Variants in MINDY4 observed in about 807,000 individuals in gnomAD.
MINDY4 encodes MINDY lysine 48 deubiquitinase 4.
Under a neutral mutation model 87.0 loss-of-function variants are expected in MINDY4, and 68 were observed. That is an observed-to-expected ratio of 0.78 (90% CI 0.64 to 0.96). The LOEUF (loss-of-function observed/expected upper bound fraction) is 0.96. Ranked by LOEUF, MINDY4 falls within the 40% of genes least tolerant of loss-of-function variation. The pLI is 0.00. For synonymous variants in MINDY4, 379 were observed against 363.2 expected (o/e 1.04, Z -0.50); for missense variants, 919 against 928.2 (o/e 0.99, Z 0.13).
rs192396609 is a variant in MINDY4, at chr7:30,875,685, T to C, written c.1971+29T>C. Reference sequence around the variant, plus strand: ...CCCAGATGCTCACGTTCACCACAAGTAGGGGAGCCTGACTCTCTGGAGCAA... The same window carrying C: ...CCCAGATGCTCACGTTCACCACAAGCAGGGGAGCCTGACTCTCTGGAGCAA... On this transcript the variant is annotated intron_variant, in intron 15 of 17. Transcript: ENST00000265299. 2.9e-3 allele frequency: 4,586 copies of C among 1,579,198 alleles called. 211 individuals are homozygous for C. The Admixed American group carries it at 0.073, about 25-fold the overall frequency.
intron 4 of MINDY4, among the ~76,000 whole-genome samples, chr7:30,789,066 T>C (rs1205491080): frequency 6.6e-6 from 1 of 152,156 alleles, no homozygotes; most frequent in Non-Finnish European, 1.5e-5. Context: ...GTCAACACAG[T>C]GGAAAAAGGC....
At chr7:30,856,938 A>G (rs924073663) in intron 12 of MINDY4, among the ~76,000 whole-genome samples, 6 of 152,202 alleles carry the variant, frequency 3.9e-5, no homozygotes, top group Non-Finnish European at 4.4e-5. Context: ...AATGTGCACC[A>G]TAAGCCAAGG....
chr7:30,848,893 T>C (rs570600352), intron 9 of MINDY4, among the ~76,000 whole-genome samples: 1 of 152,336 alleles, frequency 6.6e-6, no homozygotes, highest in South Asian at 2.1e-4. Flanking sequence ...AAGTGGGGAC[T>C]TAATGGTTTC....
intron 13 of MINDY4, 39 bp downstream of exon 13, chr7:30,859,363 G>T (rs753270802): frequency 1.3e-6 from 2 of 1,593,832 alleles, no homozygotes; most frequent in Non-Finnish European, 1.7e-6. Context: ...GGGCTGGGCT[G>T]GTCTGTCTTG....
chr7:30,806,410 T>C (rs1205250250), intron 5 of MINDY4, among the ~76,000 whole-genome samples: 1 of 152,212 alleles, frequency 6.6e-6, no homozygotes, highest in Non-Finnish European at 1.5e-5. Flanking sequence ...TATCAAATAT[T>C]TGGCCCACAA....
At chr7:30,886,730 C>G (rs1052091313) in intron 17 of MINDY4, among the ~76,000 whole-genome samples, 8 of 152,232 alleles carry the variant, frequency 5.3e-5, no homozygotes, top group African/African-American at 1.9e-4. Flanking sequence ...CATCCTAATT[C>G]AAACCATCCC....
At chr7:30,785,279 CACACACA>C (rs1787126984) in intron 3 of MINDY4, among the ~76,000 whole-genome samples, 1 of 116,884 alleles carries the variant, frequency 8.6e-6, no homozygotes, top group Non-Finnish European at 2.0e-5. Flanking sequence ...GACACACACA[CACACACA>C]CACACACACA....
At chr7:30,826,752 T>C (rs1002613421) in intron 5 of MINDY4, among the ~76,000 whole-genome samples, 2 of 152,354 alleles carry the variant, frequency 1.3e-5, no homozygotes. Flanking sequence ...CTAGGAAAAT[T>C]ACTAAACATC....
intron 3 of MINDY4, 39 bp downstream of exon 3, chr7:30,782,251 G>C (rs762729165): frequency 6.6e-6 from 10 of 1,510,642 alleles, no homozygotes. Context: ...GTTTCCTATT[G>C]CTGCCATAAC....
At chr7:30,801,947 C>T (rs1273194943) in intron 5 of MINDY4, among the ~76,000 whole-genome samples, 1 of 152,142 alleles carries the variant, frequency 6.6e-6, no homozygotes, top group Non-Finnish European at 1.5e-5. Flanking sequence ...ACACCTGGGC[C>T]CTTGCCAGCT....
intron 5 of MINDY4, among the ~76,000 whole-genome samples, chr7:30,819,923 A>T (rs1415910392): frequency 2.3e-4 from 23 of 101,962 alleles, no homozygotes; most frequent in African/African-American, 9.4e-4. Flanking sequence ...TTTTTTTGAG[A>T]CGGAGTCTCG....
chr7:30,849,217 ATTC>A (rs1321321706), intron 9 of MINDY4, among the ~76,000 whole-genome samples: 1 of 152,168 alleles, frequency 6.6e-6, no homozygotes, highest in Non-Finnish European at 1.5e-5. Flanking sequence ...GAACTTCAGT[ATTC>A]TTCCTCCCCA....
chr7:30,850,644 C>T, intron 10 of MINDY4, 89 bp downstream of exon 10: 2 of 1,144,048 alleles, frequency 1.7e-6, no homozygotes, highest in East Asian at 2.6e-5. Flanking sequence ...ATCCTTGGGT[C>T]CTTCCGTTAC....
chr7:30,786,229 A>G (rs1426024149), intron 4 of MINDY4: 4 of 532,634 alleles, frequency 7.5e-6, no homozygotes, highest in Non-Finnish European at 1.3e-5. Context: ...TGTGAGGTGG[A>G]TGCCATGGTT....
At chr7:30,826,064 C>T (rs1264066075) in intron 5 of MINDY4, among the ~76,000 whole-genome samples, 3 of 152,220 alleles carry the variant, frequency 2.0e-5, no homozygotes, top group Non-Finnish European at 4.4e-5. Context: ...ATGTTCACAT[C>T]GCCTTCTCTT....
chr7:30,882,875 T>G (rs1001259905), intron 16 of MINDY4, 46 bp from the exon 17 acceptor site: 1 of 1,585,350 alleles, frequency 6.3e-7, no homozygotes, highest in African/African-American at 1.4e-5. Context: ...TCAGGGTGAG[T>G]GCAGGGCCCT....
intron 10 of MINDY4, among the ~76,000 whole-genome samples, chr7:30,851,769 C>T (rs773877123): frequency 2.6e-4 from 40 of 152,326 alleles, no homozygotes; most frequent in East Asian, 7.7e-4. Flanking sequence ...AACCCGGCTC[C>T]GATTCCTGGA....
In MINDY4 at chr7:30,791,564, G is replaced by C. The variant is rs151089199; in HGVS notation, c.1063G>C (p.Ala355Pro). ...RAFKRQGSQP[A>P]PVRKNQLLPS... ...GTTCAAACGGCAGGGCAGCCAGCCC[G>C]CACCTGTCAGGTGAGTGTGCTATGC... is the stretch of plus-strand genomic sequence containing the variant. The change falls in exon 5 of 18, where the codon GCA (alanine) becomes CCA (proline). Residue 355 changes from alanine (A) to proline (P), a missense_variant. Transcript: ENST00000265299. 3 of 1,610,474 alleles carry C rather than the reference G, an allele frequency of 1.9e-6. No individual in the cohort carries two copies. The highest frequency in any genetic ancestry group is 1.1e-5 in the South Asian group (1 of 90,262).
intron 13 of MINDY4, among the ~76,000 whole-genome samples, chr7:30,865,642 G>T (rs763241650): frequency 7.2e-5 from 11 of 152,234 alleles, no homozygotes; most frequent in Non-Finnish European, 1.2e-4. Flanking sequence ...TAGCCTCAGC[G>T]GGAGCTGGAG....
Sources: allele counts gnomAD v4.1 joint callset (sites outside exome capture counted in the v4.1 genomes callset), GRCh38; gene constraint gnomAD v4.1.1; transcripts MANE v1.5; gene names NCBI Gene and HGNC (gene_info 2026-07-23, HGNC 2026-07-21).